Variants in SOX5 observed in about 807,000 individuals in gnomAD.
SOX5 encodes the protein transcription factor SOX-5.
Under a neutral mutation model 92.0 loss-of-function variants are expected in SOX5, and 9 were observed. The ratio of observed to expected loss-of-function variants is 0.10; its 90% confidence interval spans 0.06 to 0.17. The LOEUF (loss-of-function observed/expected upper bound fraction) is 0.17. SOX5 is among the 10% of genes least tolerant of loss of function. The probability of loss-of-function intolerance (pLI) is 1.00; values close to 1 mark genes in which losing one functional copy is unlikely to be tolerated. For missense variants in SOX5, 642 were observed against 944.5 expected, an observed-to-expected ratio of 0.68 and a Z score of 4.20; for synonymous variants, 344 against 336.3, an observed-to-expected ratio of 1.02 and a Z score of -0.25.
chr12:24,501,415 A>T (rs952736316), intron 1 of SOX5, among the ~76,000 whole-genome samples: 4 of 152,004 alleles, frequency 2.6e-5, no homozygotes, highest in African/African-American at 9.7e-5. Flanking sequence ...CTATCTTCCC[A>T]TACTCCAAAC....
chr12:24,091,438 T>TA (rs1427239603), intron 4 of SOX5, among the ~76,000 whole-genome samples: 2 of 149,764 alleles, frequency 1.3e-5, no homozygotes, highest in African/African-American at 4.9e-5. Context: ...ATTTTTTTTT[T>TA]TTTTTTTTTG....
chr12:24,172,975 A>C (rs895667425), intron 4 of SOX5, among the ~76,000 whole-genome samples: 2 of 152,190 alleles, frequency 1.3e-5, no homozygotes, highest in African/African-American at 4.8e-5. Flanking sequence ...TAGAAGTCTC[A>C]CTTTTTATTT....
chr12:24,269,530 G>T (rs141208390), intron 3 of SOX5, among the ~76,000 whole-genome samples: 1 of 152,022 alleles, frequency 6.6e-6, no homozygotes, highest in Non-Finnish European at 1.5e-5. Context: ...AAGCCTTTTT[G>T]TGACTATTAT....
chr12:24,228,668 G>C (rs761467497), intron 3 of SOX5, among the ~76,000 whole-genome samples: 1 of 152,238 alleles, frequency 6.6e-6, no homozygotes, highest in African/African-American at 2.4e-5. Flanking sequence ...GTGCGTGTGT[G>C]TGCGTGTGTG....
chr12:24,329,822 A>G (rs1275774827), intron 2 of SOX5, among the ~76,000 whole-genome samples: 1 of 150,534 alleles, frequency 6.6e-6, no homozygotes, highest in Non-Finnish European at 1.5e-5. Flanking sequence ...CAGGAGTTTG[A>G]GACCAGCCTG....
chr12:23,689,831 T>C (rs532877882), intron 6 of SOX5, among the ~76,000 whole-genome samples: 61 of 152,300 alleles, frequency 4.0e-4, no homozygotes, highest in African/African-American at 1.5e-3. Context: ...AATAAATAAA[T>C]TCTCACAGTG....
chr12:24,259,680 T>C (rs1402202107), intron 3 of SOX5, among the ~76,000 whole-genome samples: 1 of 152,228 alleles, frequency 6.6e-6, no homozygotes, highest in Admixed American at 6.5e-5. Context: ...CTAAGTATTA[T>C]AGGTGTCCAA....
intron 4 of SOX5, among the ~76,000 whole-genome samples, chr12:23,998,595 G>C (rs991376733): frequency 2.6e-5 from 4 of 151,954 alleles, no homozygotes; most frequent in Non-Finnish European, 4.4e-5. Context: ...ACGAGGTCAG[G>C]AGTTCAAGAC....
At chr12:23,867,286 C>T (rs1303158087) in intron 2 of SOX5, among the ~76,000 whole-genome samples, 1 of 152,110 alleles carries the variant, frequency 6.6e-6, no homozygotes, top group Non-Finnish European at 1.5e-5. Context: ...ATAATGTTAA[C>T]TCAGAATTCT....
intron 4 of SOX5, among the ~76,000 whole-genome samples, chr12:24,132,971 A>G (rs188768762): frequency 1.3e-5 from 2 of 152,224 alleles, no homozygotes; most frequent in Non-Finnish European, 2.9e-5. Context: ...CCAGGATTGC[A>G]GTAAGTAAAA....
chr12:23,969,807 G>C (rs926164001), intron 4 of SOX5, among the ~76,000 whole-genome samples: 2 of 152,200 alleles, frequency 1.3e-5, no homozygotes, highest in Non-Finnish European at 2.9e-5. Flanking sequence ...AGCCAGATCA[G>C]ACTATAGCAT....
intron 2 of SOX5, among the ~76,000 whole-genome samples, chr12:24,353,583 G>A (rs1024554347): frequency 6.6e-6 from 1 of 152,032 alleles, no homozygotes; most frequent in Admixed American, 6.6e-5. Flanking sequence ...AAAAGACTGG[G>A]AAGAGTATGT....
At chr12:24,008,806 G>A (rs1011126581) in intron 4 of SOX5, among the ~76,000 whole-genome samples, 4 of 152,092 alleles carry the variant, frequency 2.6e-5, no homozygotes, top group African/African-American at 9.7e-5. Context: ...AATGAACCAT[G>A]CTTTCCAGTA....
At chr12:23,907,141 G>C (rs10842240) in intron 1 of SOX5, among the ~76,000 whole-genome samples, 27,541 of 152,016 alleles carry the variant, frequency 0.18, 3,785 homozygotes, top group East Asian at 0.71. Context: ...AGTTTGGGAG[G>C]TGTCTGTGTC....
At chr12:23,765,263 C>T (rs1352025754) in intron 3 of SOX5, among the ~76,000 whole-genome samples, 1 of 150,882 alleles carries the variant, frequency 6.6e-6, no homozygotes, top group African/African-American at 2.4e-5. Flanking sequence ...TAAGAAAATA[C>T]AACAGTTTTA....
chr12:24,386,234 T>G (rs1190714565), intron 1 of SOX5, among the ~76,000 whole-genome samples: 1 of 152,088 alleles, frequency 6.6e-6, no homozygotes, highest in Non-Finnish European at 1.5e-5. Context: ...CTACCTAACT[T>G]TCCCAAAATT....
chr12:23,715,132 T>C (rs1220324831), intron 6 of SOX5, among the ~76,000 whole-genome samples: 1 of 151,974 alleles, frequency 6.6e-6, no homozygotes, highest in Non-Finnish European at 1.5e-5. Context: ...ACCCCGTCTC[T>C]ACTAAAAATG....
intron 1 of SOX5, among the ~76,000 whole-genome samples, chr12:23,942,658 C>CT (rs34315450): frequency 1.4e-5 from 2 of 138,354 alleles, no homozygotes; most frequent in Admixed American, 7.2e-5. Flanking sequence ...GGCTCTGAGG[C>CT]TTTTTTTTTT....
intron 2 of SOX5, among the ~76,000 whole-genome samples, chr12:24,283,516 T>C (rs1945467298): frequency 6.6e-6 from 1 of 152,194 alleles, no homozygotes; most frequent in Non-Finnish European, 1.5e-5. Flanking sequence ...TGCACAACCA[T>C]ACCTGGTAGT....
Sources: allele counts gnomAD v4.1 joint callset (sites outside exome capture counted in the v4.1 genomes callset), GRCh38; gene constraint gnomAD v4.1.1; transcripts MANE v1.5; gene names NCBI Gene and HGNC (gene_info 2026-07-23, HGNC 2026-07-21).